FBXO38: variants seen among roughly 807,000 people sequenced by gnomAD.
FBXO38 encodes the protein F-box only protein 38.
In FBXO38, 53 loss-of-function variants were observed where a neutral mutation model predicts 131.9. The ratio of observed to expected loss-of-function variants is 0.40; its 90% CI spans 0.32 to 0.51. FBXO38 has a LOEUF of 0.51. FBXO38 is among the 20% of genes least tolerant of loss of function. FBXO38 has a pLI of 0.53. For missense variants in FBXO38, 1,076 were observed against 1,475.6 expected (o/e 0.73, Z 4.44); for synonymous variants, 452 against 505.6 (o/e 0.89, Z 1.42).
chr5:148,437,875 A>G (rs1474940564), intron 17 of FBXO38, among the ~76,000 whole-genome samples: 1 of 151,842 alleles, frequency 6.6e-6, no homozygotes, highest in Non-Finnish European at 1.5e-5. Flanking sequence ...TTTAGACCAA[A>G]GTATCCAAAT....
At chr5:148,421,225 A>T (rs1753408172) in intron 12 of FBXO38, among the ~76,000 whole-genome samples, 1 of 152,140 alleles carries the variant, frequency 6.6e-6, no homozygotes, top group African/African-American at 2.4e-5. Flanking sequence ...TGGCCTCCCA[A>T]AGTACTGGGA....
chr5:148,400,228 G>A (rs752399786), intron 3 of FBXO38, among the ~76,000 whole-genome samples: 1 of 152,072 alleles, frequency 6.6e-6, no homozygotes, highest in Non-Finnish European at 1.5e-5. Flanking sequence ...AAGGGCAAAA[G>A]CCTCATCTCA....
At chr5:148,387,404 T>C (rs974027951) in intron 1 of FBXO38, among the ~76,000 whole-genome samples, 2 of 152,216 alleles carry the variant, frequency 1.3e-5, no homozygotes, top group African/African-American at 4.8e-5. Flanking sequence ...CTCTTGCTAT[T>C]TCCTCCACAT....
rs758058399 is a variant in FBXO38, at chr5:148,399,100, G to C, written c.230G>C (p.Cys77Ser). 1 of 1,613,034 alleles carries C rather than the reference G, an allele frequency of 6.2e-7. No individual in the cohort carries two copies. Among genetic ancestry groups the C allele is most frequent in the Admixed American group, 1.7e-5 (1 of 59,858 alleles). The change falls in exon 3 of 22, where the codon TGT becomes TCT. Residue 77 changes from cysteine (C) to serine (S), a missense_variant. Cys to Ser is a moderately radical substitution (Grantham distance 112, BLOSUM62 -1). Coordinates refer to ENST00000340253, the MANE Select transcript of FBXO38 (RefSeq NM_205836.3). ...CGAGTTGTGAGAGTTGTAGATCTCT[G>C]TGCAGGGCGGTGGTGGGAATACATG... is the stretch of plus-strand genomic sequence containing the variant. ...YLRVVRVVDLCAGRWWEYMPS... is the reference protein window; with the variant it reads ...YLRVVRVVDLSAGRWWEYMPS...
chr5:148,429,999 A>G (rs1753939697), intron 15 of FBXO38, among the ~76,000 whole-genome samples: 1 of 151,676 alleles, frequency 6.6e-6, no homozygotes, highest in African/African-American at 2.4e-5. Context: ...TTATTTGCTA[A>G]TGTATTTTAG....
At chr5:148,432,548 C>G (rs1754095416) in intron 15 of FBXO38, among the ~76,000 whole-genome samples, 1 of 152,124 alleles carries the variant, frequency 6.6e-6, no homozygotes, top group African/African-American at 2.4e-5. Flanking sequence ...ACAATAAATC[C>G]ATCTCAGAGC....
At chr5:148,389,012 A>G (rs1459265158) in intron 1 of FBXO38, among the ~76,000 whole-genome samples, 2 of 152,200 alleles carry the variant, frequency 1.3e-5, no homozygotes, top group Non-Finnish European at 2.9e-5. Flanking sequence ...AGGCCGTTGT[A>G]GAGTTCTTAA....
At chr5:148,410,559 A>G (rs990135454) in intron 8 of FBXO38, 76 bp from the exon 9 acceptor site, 2 of 1,538,698 alleles carry the variant, frequency 1.3e-6, no homozygotes, top group Non-Finnish European at 1.8e-6. Flanking sequence ...ACGGACTAAT[A>G]CACTTATATT....
intron 6 of FBXO38, among the ~76,000 whole-genome samples, 174 bp from the exon 7 acceptor site, chr5:148,406,083 G>A (rs1234356588): frequency 3.3e-5 from 5 of 152,208 alleles, no homozygotes; most frequent in Admixed American, 3.3e-4. Context: ...TGCTGAGTAA[G>A]TGTATGGTTA....
intron 7 of FBXO38, among the ~76,000 whole-genome samples, chr5:148,406,917 G>A (rs1436969504): frequency 2.6e-5 from 4 of 152,004 alleles, no homozygotes; most frequent in South Asian, 2.1e-4. Context: ...TAAATAATAC[G>A]TAACAGAATG....
At chr5:148,437,747 CAG>C (rs1294585270) in intron 17 of FBXO38, among the ~76,000 whole-genome samples, 2 of 152,088 alleles carry the variant, frequency 1.3e-5, no homozygotes, top group Non-Finnish European at 2.9e-5. Context: ...ATATGTCAAA[CAG>C]AAAAACTAAT....
chr5:148,442,035 A>G lies in FBXO38; in HGVS notation c.3455A>G (p.Glu1152Gly), dbSNP rs775175145. 6.2e-7 allele frequency: 1 copy of G among 1,614,134 alleles called. No homozygotes were observed. Among genetic ancestry groups the G allele is most frequent in the South Asian group, 1.1e-5 (1 of 91,078 alleles). The part of the protein sequence containing the change: ...SADICMETIG[E>G]EISEMRQMKK... ...GACATCTGTATGGAAACAATAGGAGAGGAAATTTCAGAGATGCGTCAGATG... is the reference window on the plus strand; with the variant it reads ...GACATCTGTATGGAAACAATAGGAGGGGAAATTTCAGAGATGCGTCAGATG... The change falls in exon 22 of 22, where the codon GAG becomes GGG. Residue 1152 changes from glutamate to glycine, a missense_variant. Coordinates refer to ENST00000340253, the MANE Select transcript of FBXO38 (RefSeq NM_205836.3).
At chr5:148,415,178 G>T (rs761720242) in intron 10 of FBXO38, among the ~76,000 whole-genome samples, 1 of 152,078 alleles carries the variant, frequency 6.6e-6, no homozygotes, top group East Asian at 1.9e-4. Flanking sequence ...TGTAGCAGGC[G>T]TAGATGACTT....
At chr5:148,403,103 A>G (rs1450978480) in intron 5 of FBXO38, among the ~76,000 whole-genome samples, 3 of 152,130 alleles carry the variant, frequency 2.0e-5, no homozygotes, top group Non-Finnish European at 4.4e-5. Flanking sequence ...AAGATCAGGG[A>G]GTGATATCTA....
intron 12 of FBXO38, 52 bp from the exon 13 acceptor site, chr5:148,423,946 G>A: frequency 6.4e-7 from 1 of 1,562,054 alleles, no homozygotes; most frequent in South Asian, 1.2e-5. Flanking sequence ...GCCTGCCATT[G>A]TAGTTCTTTA....
At chr5:148,404,597 G>GA in intron 5 of FBXO38, 88 bp from the exon 6 acceptor site, 1 of 1,158,802 alleles carries the variant, frequency 8.6e-7, no homozygotes, top group Non-Finnish European at 1.1e-6. Context: ...CTGTTAATAT[G>GA]AAAAATAGAC....
chr5:148,420,910 G>C lies in FBXO38; in HGVS notation c.1619-3088G>C, dbSNP rs796676441. On this transcript the variant is annotated intron_variant, in intron 12 of 21. Transcript: ENST00000340253. ...GGGCTCAAGCAATCCAACCAACTCA[G>C]CCTCCCAAAATGCTGGGATTACAGG... 2.0e-5 allele frequency among the ~76,000 whole-genome samples: 3 copies of C among 152,088 alleles called. No homozygotes were observed. The East Asian group carries it at 5.8e-4, about 29-fold the overall frequency.
intron 10 of FBXO38, among the ~76,000 whole-genome samples, chr5:148,414,768 C>T (rs1752957844): frequency 6.6e-6 from 1 of 152,148 alleles, no homozygotes; most frequent in African/African-American, 2.4e-5. Context: ...TTCAGATCTC[C>T]CCCTCCAATC....
At chr5:148,401,390 T>C (rs1214692757) in intron 3 of FBXO38, among the ~76,000 whole-genome samples, 2 of 152,152 alleles carry the variant, frequency 1.3e-5, no homozygotes, top group East Asian at 3.9e-4. Context: ...TTAGCTAACT[T>C]GCATCTGTCT....
Sources: allele counts gnomAD v4.1 joint callset (sites outside exome capture counted in the v4.1 genomes callset), GRCh38; gene constraint gnomAD v4.1.1; transcripts MANE v1.5; gene names NCBI Gene and HGNC (gene_info 2026-07-23, HGNC 2026-07-21).